Variants in FHOD1 observed in about 807,000 individuals in gnomAD.
FHOD1 encodes FH1/FH2 domain-containing protein 1.
In FHOD1, 89 loss-of-function variants were observed where a neutral mutation model predicts 111.6. The ratio of observed to expected loss-of-function variants is 0.80; its 90% CI spans 0.67 to 0.95. FHOD1 has a LOEUF of 0.95. FHOD1 is among the 40% of genes least tolerant of loss of function. FHOD1 has a pLI of 0.00. For synonymous variants in FHOD1, 618 were observed against 639.0 expected, an observed-to-expected ratio of 0.97 and a Z score of 0.50; for missense variants, 1,446 against 1,554.2, an observed-to-expected ratio of 0.93 and a Z score of 1.17.
At position 67,230,607 on chromosome 16, in the gene FHOD1, C is replaced by G; in HGVS notation, c.2852G>C (p.Cys951Ser). The G allele has an allele frequency of 2.5e-6, 4 of 1,614,128 alleles. No homozygotes were observed. Among genetic ancestry groups the G allele is most frequent in the Non-Finnish European group, 2.5e-6 (3 of 1,179,982 alleles). The change falls in exon 18 of 22, where the codon TGC becomes TCC. Residue 951 changes from cysteine to serine, a missense_variant. Coordinates refer to ENST00000258201, the MANE Select transcript of FHOD1 (RefSeq NM_013241.3). Reference sequence around the variant, plus strand: ...CTTGGGTCCATGCCCCTACCTATTGCAGACACGGCGGTGCACTATCCTTAG... The same window carrying G: ...CTTGGGTCCATGCCCCTACCTATTGGAGACACGGCGGTGCACTATCCTTAG... ...AMLRIVHRRV[C>S]NRFHAFLLYL... is the part of the protein sequence containing the mutation.
Position 67,238,529 on chromosome 16 carries a change from C to T in FHOD1, c.374-82G>A. ...CTTGGATACAACCACAACTCTCCAC[C>T]AAAGAATAGTCTAATATATATGTTT... On this transcript the variant is annotated intron_variant, in intron 3 of 21. Coordinates refer to ENST00000258201, the MANE Select transcript of FHOD1 (RefSeq NM_013241.3). The surrounding 1 kb of genome is among the most constrained non-coding windows in gnomAD (Gnocchi z 4.2). 2 of 1,271,858 alleles carry T rather than the reference C, an allele frequency of 1.6e-6. No homozygotes were observed. The highest frequency in any genetic ancestry group is 2.3e-6 in the Non-Finnish European group (2 of 888,796). The allele number at this position is 1,271,858 out of a possible 1,614,324, so 78.8% of individuals were successfully genotyped here.
Position 67,238,533 on chromosome 16 carries a change from G to T in FHOD1, c.374-86C>A. ...GATACAACCACAACTCTCCACCAAA[G>T]AATAGTCTAATATATATGTTTTGGT... On this transcript the variant is annotated intron_variant, in intron 3 of 21. Transcript: ENST00000258201. This position sits in a 1 kb window ranked among gnomAD's most constrained non-coding sequence, Gnocchi z 4.2. 8.0e-7 allele frequency: 1 copy of T among 1,253,450 alleles called. No homozygotes were observed. Among genetic ancestry groups the T allele is most frequent in the Non-Finnish European group, 1.1e-6 (1 of 873,072 alleles). The allele number at this position is 1,253,450 out of a possible 1,614,324, so 77.6% of individuals were successfully genotyped here. A position where few individuals can be genotyped will look rare whatever the true frequency, so the allele number is the denominator to read the frequency against.
intron 1 of FHOD1, among the ~76,000 whole-genome samples, chr16:67,244,259 G>T (rs1280421698): frequency 2.0e-5 from 3 of 152,144 alleles, no homozygotes; most frequent in African/African-American, 4.8e-5. Flanking sequence ...AGGGCCTTGG[G>T]TATCGGAGAG....
In FHOD1 at chr16:67,241,511, C is replaced by A. The variant is rs577171030; in HGVS notation, c.202-2057G>T. On this transcript the variant is annotated intron_variant, in intron 1 of 21. Transcript: ENST00000258201. ...CCAGAGCCACCCCCGTCAGGGATCCCCTCGAATCACACACATATAGAACAG... is the reference window on the plus strand; with the variant it reads ...CCAGAGCCACCCCCGTCAGGGATCCACTCGAATCACACACATATAGAACAG... Among the ~76,000 whole-genome samples the A allele has an allele frequency of 2.0e-5, 3 of 152,344 alleles. No individual in the cohort carries two copies. The South Asian group carries it at 6.2e-4, about 32-fold the overall frequency.
chr16:67,231,066 C>A lies in FHOD1; in HGVS notation c.2667+122G>T. 7.8e-7 allele frequency: 1 copy of A among 1,286,766 alleles called. No individual in the cohort carries two copies. Among genetic ancestry groups the A allele is most frequent in the South Asian group, 1.4e-5 (1 of 70,868 alleles). The allele number at this position is 1,286,766 out of a possible 1,614,324, so 79.7% of individuals were successfully genotyped here. A position where few individuals can be genotyped will look rare whatever the true frequency, so the allele number is the denominator to read the frequency against. Reference sequence around the variant, plus strand: ...TTCTGGCAGAGGGCATAGCTCACACCCAGGTGGCTGGAGCAAGCCCTGGCA... The same window carrying A: ...TTCTGGCAGAGGGCATAGCTCACACACAGGTGGCTGGAGCAAGCCCTGGCA... On this transcript the variant is annotated intron_variant, in intron 17 of 21. Coordinates refer to ENST00000258201, the MANE Select transcript of FHOD1 (RefSeq NM_013241.3). This position sits in a 1 kb window ranked among gnomAD's most constrained non-coding sequence, Gnocchi z 4.3.
Position 67,230,590 on chromosome 16 carries a change from C to T in FHOD1, c.2858+11G>A. 2.5e-6 allele frequency: 4 copies of T among 1,614,010 alleles called. No homozygotes were observed. Among genetic ancestry groups the T allele is most frequent in the Non-Finnish European group, 3.4e-6 (4 of 1,179,912 alleles). On this transcript the variant is annotated intron_variant, in intron 18 of 21. Transcript: ENST00000258201. ...GTGGCCGTCCTGCCTCTCTTGGGTCCATGCCCCTACCTATTGCAGACACGG... is the reference window on the plus strand; with the variant it reads ...GTGGCCGTCCTGCCTCTCTTGGGTCTATGCCCCTACCTATTGCAGACACGG...
intron 13 of FHOD1, among the ~76,000 whole-genome samples, chr16:67,233,081 T>C (rs1324770197): frequency 2.0e-5 from 3 of 150,788 alleles, no homozygotes; most frequent in African/African-American, 7.3e-5. Flanking sequence ...CATTTATTTA[T>C]TTTTATTTAT....
Position 67,237,050 on chromosome 16 carries a change from C to T in FHOD1, c.1058G>A (p.Arg353Gln). ...GCCCTCCTCAGAAGAAGGCTTTCGT[C>T]GTTCCCGCCGCCCACCAGCGCCTGG... Reference protein sequence around the residue: ...EAPGAGGRRERRKPSSEEGKR... With the variant: ...EAPGAGGRREQRKPSSEEGKR... The change falls in exon 10 of 22, where the codon CGA becomes CAA. Residue 353 changes from arginine (R) to glutamine (Q), a missense_variant. Arg to Gln is a conservative substitution (Grantham distance 43). Transcript: ENST00000258201. This position sits in a 1 kb window ranked among gnomAD's most constrained non-coding sequence, Gnocchi z 5.6. 2 of 1,613,294 alleles carry T rather than the reference C, an allele frequency of 1.2e-6. No individual in the cohort carries two copies. The highest frequency in any genetic ancestry group is 1.7e-6 in the Non-Finnish European group (2 of 1,179,814).
chr16:67,247,300 C>T lies in FHOD1; in HGVS notation c.111G>A (p.Pro37=). The T allele has an allele frequency of 6.2e-7, 1 of 1,613,282 alleles. No individual in the cohort carries two copies. ...CCAGGCTGCAGGTGGGGGCCCGGCG[C>T]GGCTCCGGAAAGTTGGCACATGCGA... ...DPFACANFPE[P]RRAPTCSLDG... Residue 37 remains proline (P), a synonymous_variant, in exon 1 of 22, where the codon CCG becomes CCA. Coordinates refer to ENST00000258201, the MANE Select transcript of FHOD1 (RefSeq NM_013241.3).
rs962042374 is a variant in FHOD1, at chr16:67,230,755, G to T, written c.2704C>A (p.Leu902Met). 3.1e-6 allele frequency: 5 copies of T among 1,607,000 alleles called. No individual in the cohort carries two copies. Among genetic ancestry groups the T allele is most frequent in the Admixed American group, 3.4e-5 (2 of 59,510 alleles). Residue 902 changes from leucine to methionine, a missense_variant, in exon 18 of 22, where the codon CTG becomes ATG. Physicochemically the swap from Leu to Met is conservative, Grantham distance 15. Around this residue, in one of 3 missense-constraint regions of FHOD1, gnomAD observed 1,085 missense variants for 1,108.8 expected, o/e 0.98. Coordinates refer to ENST00000258201, the MANE Select transcript of FHOD1 (RefSeq NM_013241.3). ...FEQLTENLGQ[L>M]ERRSRAAEES... ...TCGGCTGCCCGGCTCCGGCGCTCCAGCTGCCCCAGGTTCTCAGTCAGCTGT... is the reference window on the plus strand; with the variant it reads ...TCGGCTGCCCGGCTCCGGCGCTCCATCTGCCCCAGGTTCTCAGTCAGCTGT...
intron 13 of FHOD1, 36 bp downstream of exon 13, chr16:67,233,621 C>T (rs1173707042): frequency 6.5e-7 from 1 of 1,545,912 alleles, no homozygotes; most frequent in South Asian, 1.2e-5. Context: ...TCCCTCCTGC[C>T]TCCCTTGGGG....
At chr16:67,246,000 C>T (rs561888062) in intron 1 of FHOD1, among the ~76,000 whole-genome samples, 4 of 152,230 alleles carry the variant, frequency 2.6e-5, no homozygotes, top group Admixed American at 1.3e-4. Flanking sequence ...GCAAGAGAAG[C>T]GGGGGCTGAG....
chr16:67,236,439 A>G (rs2142282852), intron 11 of FHOD1, 118 bp downstream of exon 11: 2 of 1,505,382 alleles, frequency 1.3e-6, no homozygotes, highest in African/African-American at 1.4e-5. Flanking sequence ...TGAAGTCTGG[A>G]AAGAGAGAGA....
chr16:67,232,423 G>C (rs2034315244), intron 13 of FHOD1, among the ~76,000 whole-genome samples: 2 of 151,636 alleles, frequency 1.3e-5, no homozygotes, highest in Admixed American at 1.3e-4. Flanking sequence ...GGAGGCTGAG[G>C]CAGGAGAATG....
Position 67,238,884 on chromosome 16 carries a change from G to C in FHOD1, c.373+19C>G. 6.2e-7 allele frequency: 1 copy of C among 1,613,720 alleles called. No individual in the cohort carries two copies. The highest frequency in any genetic ancestry group is 1.1e-5 in the South Asian group (1 of 91,072). ...TGGGGAGGAGGTGCTGCTGGACATGGATGCTCTCACACACTCACCCAAGAT... is the reference window on the plus strand; with the variant it reads ...TGGGGAGGAGGTGCTGCTGGACATGCATGCTCTCACACACTCACCCAAGAT... On this transcript the variant is annotated intron_variant, in intron 3 of 21. Coordinates refer to ENST00000258201, the MANE Select transcript of FHOD1 (RefSeq NM_013241.3). This position sits in a 1 kb window ranked among gnomAD's most constrained non-coding sequence, Gnocchi z 4.2.
At chr16:67,232,563 G>A (rs1249028202) in intron 13 of FHOD1, among the ~76,000 whole-genome samples, 1 of 151,724 alleles carries the variant, frequency 6.6e-6, no homozygotes, top group Non-Finnish European at 1.5e-5. Context: ...GGACTAGCTG[G>A]GACAGCAACC....
At position 67,238,141 on chromosome 16, in the gene FHOD1, G is replaced by A. The variant is rs1185563369; in HGVS notation, c.548-13C>T. The A allele has an allele frequency of 2.5e-6, 4 of 1,613,972 alleles. No homozygotes were observed. In the African/African-American group the frequency reaches 4.0e-5, roughly 16 times the overall value. ...AGCTGGCCGAGCGCTGGGGAAACAG[G>A]GATGGGCAGAGTCAGCGAGGGTCGC... is the stretch of plus-strand genomic sequence containing the variant. On this transcript the variant is annotated splice_polypyrimidine_tract_variant and intron_variant, in intron 5 of 21. Transcript: ENST00000258201. This position sits in a 1 kb window ranked among gnomAD's most constrained non-coding sequence, Gnocchi z 4.2.
At chr16:67,232,353 T>G (rs1280247891) in intron 13 of FHOD1, among the ~76,000 whole-genome samples, 159 bp from the exon 14 acceptor site, 2 of 151,614 alleles carry the variant, frequency 1.3e-5, no homozygotes, top group Non-Finnish European at 2.9e-5. Context: ...CCATCTCTAC[T>G]AAAAATACAA....
In FHOD1 at chr16:67,231,296, C is replaced by T. The variant is rs143498229; in HGVS notation, c.2559G>A (p.Thr853=). 210 of 1,614,066 alleles carry T rather than the reference C, an allele frequency of 1.3e-4. 1 individual carries two copies. The highest frequency in any genetic ancestry group is 5.3e-4 in the South Asian group (48 of 91,094). Residue 853 remains threonine (T), a synonymous_variant, in exon 17 of 22, where the codon ACG becomes ACA. Transcript: ENST00000258201. The surrounding 1 kb of genome is among the most constrained non-coding windows in gnomAD (Gnocchi z 4.3). ...GGTGTAGCAGTGACTGTCGACGCAC[C>T]GTGTCCTTCACCTCTGACACCTTCT... ...YLEKVSEVKD[T]VRRQSLLHHL...
Sources: gnomAD v4.1 joint callset for allele counts (sites outside exome capture counted in the v4.1 genomes callset) on GRCh38, gnomAD v4.1.1 for gene constraint, gnomAD v4.1.1 regional missense constraint, Gnocchi (gnomAD v3.1) non-coding constraint, MANE v1.5 for transcripts, NCBI Gene and HGNC (gene_info 2026-07-23, HGNC 2026-07-21) for gene names.